Variants in PPARGC1A observed in about 807,000 individuals in gnomAD.
PPARGC1A encodes peroxisome proliferator-activated receptor gamma coactivator 1-alpha.
PPARGC1A carries 25 observed loss-of-function variants against 88.7 expected under a neutral mutation model. The observed-to-expected ratio is 0.28, with a 90% confidence interval of 0.21 to 0.39. The LOEUF (loss-of-function observed/expected upper bound fraction) is 0.39, where lower values mean the gene tolerates loss of function less well. Ranked by LOEUF, PPARGC1A falls within the 10% of genes least tolerant of loss-of-function variation. The pLI is 1.00. For missense variants in PPARGC1A, 880 were observed against 968.7 expected (o/e 0.91, Z 1.22); for synonymous variants, 363 against 355.6 (o/e 1.02, Z -0.24).
the PPARGC1A span, among the ~76,000 whole-genome samples, chr4:24,024,361 G>A: frequency 1.4e-3 from 214 of 152,280 alleles, 2 homozygotes; most frequent in African/African-American, 5.0e-3. Flanking sequence ...TGCAATGTGC[G>A]TCTGATTCCA....
chr4:24,298,885 C>T, the PPARGC1A span, among the ~76,000 whole-genome samples: 1 of 152,260 alleles, frequency 6.6e-6, no homozygotes, highest in South Asian at 2.1e-4. Flanking sequence ...CTATGCCTCC[C>T]TTCTGTGAAA....
the PPARGC1A span, among the ~76,000 whole-genome samples, chr4:24,109,984 G>A: frequency 1.3e-5 from 2 of 152,138 alleles, no homozygotes; most frequent in African/African-American, 2.4e-5. Context: ...ATGAGGGGAG[G>A]AGGAACCCCC....
the PPARGC1A span, among the ~76,000 whole-genome samples, chr4:24,400,707 T>A: frequency 1.5e-4 from 23 of 152,314 alleles, 1 homozygote; most frequent in Admixed American, 7.8e-4. Context: ...TATGTTCTAA[T>A]GTGAGAATTT....
At chr4:24,028,523 C>T in the PPARGC1A span, among the ~76,000 whole-genome samples, 3 of 152,184 alleles carry the variant, frequency 2.0e-5, no homozygotes, top group Admixed American at 2.0e-4. Flanking sequence ...AAAAGACTTG[C>T]TCAGGGTCCA....
the PPARGC1A span, among the ~76,000 whole-genome samples, chr4:24,302,125 C>T: frequency 6.6e-6 from 1 of 152,178 alleles, no homozygotes; most frequent in African/African-American, 2.4e-5. Flanking sequence ...CTCCAAAAAT[C>T]CATCTTCCTT....
chr4:24,193,707 G>T, the PPARGC1A span, among the ~76,000 whole-genome samples: 1 of 152,126 alleles, frequency 6.6e-6, no homozygotes, highest in African/African-American at 2.4e-5. Flanking sequence ...GGAAGCCCTG[G>T]GCATTTTGAT....
the PPARGC1A span, among the ~76,000 whole-genome samples, chr4:24,263,278 T>C: frequency 0.32 from 48,684 of 151,984 alleles, 8,730 homozygotes; most frequent in Non-Finnish European, 0.4. Flanking sequence ...ACTATCGATA[T>C]GTCCAATGGT....
the PPARGC1A span, among the ~76,000 whole-genome samples, chr4:24,275,043 G>A: frequency 6.6e-6 from 1 of 152,220 alleles, no homozygotes; most frequent in African/African-American, 2.4e-5. Flanking sequence ...TCAGAGGATA[G>A]TCTTATGCTT....
the PPARGC1A span, among the ~76,000 whole-genome samples, chr4:24,165,016 G>A: frequency 6.6e-6 from 1 of 152,084 alleles, no homozygotes; most frequent in Non-Finnish European, 1.5e-5. Context: ...CAACTAAAAG[G>A]AGTAGCTACA....
chr4:24,104,411 A>T, the PPARGC1A span, among the ~76,000 whole-genome samples: 1 of 152,026 alleles, frequency 6.6e-6, no homozygotes, highest in Non-Finnish European at 1.5e-5. Context: ...GGGCTCTGAC[A>T]CTCCCAAGGT....
the PPARGC1A span, among the ~76,000 whole-genome samples, chr4:23,912,264 C>T: frequency 3.3e-5 from 5 of 152,132 alleles, no homozygotes; most frequent in African/African-American, 1.2e-4. Flanking sequence ...ACACCCCTGG[C>T]TTCTGACAGT....
chr4:23,913,267 TAGAGAGAG>T, the PPARGC1A span, among the ~76,000 whole-genome samples: 6,814 of 76,822 alleles, frequency 0.089, 286 homozygotes, highest in Admixed American at 0.15. Context: ...TATATATATA[TAGAGAGAG>T]AGAGAGAGAG....
At chr4:23,907,401 A>T (rs887517584), upstream of PPARGC1A, among the ~76,000 whole-genome samples, 3 of 152,164 alleles carry the variant, frequency 2.0e-5, no homozygotes, top group Admixed American at 6.5e-5. Flanking sequence ...CTCGATTTGC[A>T]AATTATGCAT....
the PPARGC1A span, among the ~76,000 whole-genome samples, chr4:24,128,112 G>C: frequency 6.6e-6 from 1 of 152,112 alleles, no homozygotes; most frequent in African/African-American, 2.4e-5. Context: ...GACAGAGGAC[G>C]AAGGTCCAGG....
chr4:24,352,043 G>A, the PPARGC1A span, among the ~76,000 whole-genome samples: 28,443 of 151,936 alleles, frequency 0.19, 2,787 homozygotes, highest in South Asian at 0.22. Flanking sequence ...TCAAGGAGGC[G>A]CCAGGGGGAT....
the PPARGC1A span, among the ~76,000 whole-genome samples, chr4:24,233,610 ACACACACAC>A: frequency 6.6e-6 from 1 of 151,852 alleles, no homozygotes; most frequent in Admixed American, 6.6e-5. Flanking sequence ...ACACACACAC[ACACACACAC>A]ACATATACAC....
chr4:23,860,501 G>A (rs1323689005), intron 2 of PPARGC1A, among the ~76,000 whole-genome samples: 1 of 152,030 alleles, frequency 6.6e-6, no homozygotes. Context: ...GGTGATGGAT[G>A]TGTTCATTTG....
chr4:24,272,458 C>T, the PPARGC1A span, among the ~76,000 whole-genome samples: 1 of 152,124 alleles, frequency 6.6e-6, no homozygotes, highest in Non-Finnish European at 1.5e-5. Context: ...TCATACCCCC[C>T]TGACTTACCT....
chr4:24,096,416 A>T, the PPARGC1A span, among the ~76,000 whole-genome samples: 1 of 152,202 alleles, frequency 6.6e-6, no homozygotes. Context: ...TCGGTCAACA[A>T]ACCATGATCT....
Sources: gnomAD v4.1 joint callset for allele counts (sites outside exome capture counted in the v4.1 genomes callset) on GRCh38, gnomAD v4.1.1 for gene constraint, MANE v1.5 for transcripts, NCBI Gene and HGNC (gene_info 2026-07-23, HGNC 2026-07-21) for gene names.